ASAP2: variants seen among roughly 807,000 people sequenced by gnomAD.
ASAP2 encodes the protein arf-GAP with SH3 domain, ANK repeat and PH domain-containing protein 2.
Under a neutral mutation model 131.4 loss-of-function variants are expected in ASAP2, and 45 were observed. The ratio of observed to expected loss-of-function variants is 0.34; its 90% CI spans 0.27 to 0.44. ASAP2 has a LOEUF of 0.44. Ranked by LOEUF, ASAP2 falls within the 20% of genes least tolerant of loss-of-function variation. The pLI, the probability that ASAP2 is intolerant of heterozygous loss-of-function variation, is 1.00. For synonymous variants in ASAP2, 510 were observed against 503.0 expected (o/e 1.01, Z -0.19); for missense variants, 1,011 against 1,297.0 (o/e 0.78, Z 3.39).
chr2:9,375,372 C>T (rs778520475), intron 17 of ASAP2, among the ~76,000 whole-genome samples: 42 of 151,954 alleles, frequency 2.8e-4, no homozygotes, highest in Middle Eastern at 3.2e-3. Context: ...GAAGACGGCA[C>T]GGAGAGGGGT....
intron 24 of ASAP2, among the ~76,000 whole-genome samples, chr2:9,397,753 T>C (rs1407963939): frequency 5.2e-5 from 5 of 95,998 alleles, no homozygotes; most frequent in African/African-American, 7.8e-5. Flanking sequence ...TATATATATT[T>C]TTTTTTTTTT....
chr2:9,332,770 C>A (rs2148553357), intron 7 of ASAP2, among the ~76,000 whole-genome samples: 1 of 152,028 alleles, frequency 6.6e-6, no homozygotes, highest in Admixed American at 6.5e-5. Flanking sequence ...ATCTATTTCA[C>A]AAGAATTTGA....
At chr2:9,211,665 C>T (rs552614946) in intron 1 of ASAP2, among the ~76,000 whole-genome samples, 50 of 152,306 alleles carry the variant, frequency 3.3e-4, no homozygotes, top group African/African-American at 1.2e-3. Flanking sequence ...GTCATAAGCA[C>T]AGGGTTCTAA....
chr2:9,258,992 C>G (rs189625928), intron 1 of ASAP2, among the ~76,000 whole-genome samples: 2 of 152,264 alleles, frequency 1.3e-5, no homozygotes, highest in Admixed American at 1.3e-4. Context: ...AGACCAGGAC[C>G]CTGGGCCTGC....
At chr2:9,279,697 G>A (rs1298305147) in intron 2 of ASAP2, among the ~76,000 whole-genome samples, 1 of 152,116 alleles carries the variant, frequency 6.6e-6, no homozygotes, top group East Asian at 1.9e-4. Flanking sequence ...CCTGGCTGAT[G>A]GGGGCCTGGA....
chr2:9,396,512 A>G (rs1324764369), intron 24 of ASAP2, among the ~76,000 whole-genome samples: 1 of 152,152 alleles, frequency 6.6e-6, no homozygotes, highest in Non-Finnish European at 1.5e-5. Context: ...CCTGGGCTCA[A>G]GCAGTCCTCC....
At chr2:9,368,620 TGC>T in intron 16 of ASAP2, 101 bp downstream of exon 16, 3 of 948,132 alleles carry the variant, frequency 3.2e-6, no homozygotes, top group Non-Finnish European at 5.0e-6. Context: ...CATCCATCGT[TGC>T]TTCTTTAGGG....
At chr2:9,265,303 A>G (rs528638211) in intron 1 of ASAP2, among the ~76,000 whole-genome samples, 8 of 152,378 alleles carry the variant, frequency 5.3e-5, no homozygotes, top group African/African-American at 1.9e-4. Flanking sequence ...TACATTACGA[A>G]TTGAGCATCC....
intron 3 of ASAP2, among the ~76,000 whole-genome samples, chr2:9,307,099 C>T (rs4316916): frequency 6.6e-6 from 1 of 152,210 alleles, no homozygotes; most frequent in Non-Finnish European, 1.5e-5. Context: ...AAATGCGCAG[C>T]CCCAGCCTCC....
intron 1 of ASAP2, among the ~76,000 whole-genome samples, chr2:9,218,336 G>A (rs1662196465): frequency 6.6e-6 from 1 of 152,240 alleles, no homozygotes; most frequent in African/African-American, 2.4e-5. Context: ...AACATCAGAA[G>A]TGTTTATTAA....
intron 1 of ASAP2, among the ~76,000 whole-genome samples, chr2:9,251,377 G>A (rs538920790): frequency 1.3e-5 from 2 of 152,224 alleles, no homozygotes; most frequent in Admixed American, 1.3e-4. Flanking sequence ...TAGGGGACCT[G>A]CCCTCCCTGT....
At chr2:9,319,917 C>A (rs1023144259) in intron 4 of ASAP2, among the ~76,000 whole-genome samples, 1 of 152,160 alleles carries the variant, frequency 6.6e-6, no homozygotes, top group Admixed American at 6.5e-5. Context: ...GAGTTCCTTT[C>A]TTTTAGAGAG....
At chr2:9,282,702 C>T (rs1667204597) in intron 2 of ASAP2, among the ~76,000 whole-genome samples, 1 of 152,088 alleles carries the variant, frequency 6.6e-6, no homozygotes, top group Admixed American at 6.5e-5. Context: ...ATTTTATGTA[C>T]GATTGAAAGA....
At chr2:9,377,876 C>G (rs1050383479) in intron 18 of ASAP2, among the ~76,000 whole-genome samples, 2 of 152,156 alleles carry the variant, frequency 1.3e-5, no homozygotes, top group Admixed American at 6.5e-5. Context: ...TCACTGGACT[C>G]GTGGTGGAAG....
At chr2:9,352,212 A>AC (rs1672385937) in intron 12 of ASAP2, among the ~76,000 whole-genome samples, 116 of 150,056 alleles carry the variant, frequency 7.7e-4, no homozygotes, top group African/African-American at 2.8e-3. Context: ...AACACACACA[A>AC]ACACACACAC....
rs28616843 is a variant in ASAP2, at chr2:9,315,519, G to A, written c.346-3005G>A. Among the ~76,000 whole-genome samples the A allele has an allele frequency of 3.1e-3, 466 of 152,100 alleles. 4 individuals are homozygous for A. Among genetic ancestry groups the A allele is most frequent in the African/African-American group, 1.0e-2 (413 of 41,422 alleles). On this transcript the variant is annotated intron_variant, in intron 3 of 27. Coordinates refer to ENST00000281419, the MANE Select transcript of ASAP2 (RefSeq NM_003887.3). Reference sequence around the variant, plus strand: ...AGCAAGTGAGGAGGGTGGGAGAGAGGGCTTTGTAGGAAGGAAGAGCATTGG... The same window carrying A: ...AGCAAGTGAGGAGGGTGGGAGAGAGAGCTTTGTAGGAAGGAAGAGCATTGG...
chr2:9,221,510 A>G (rs181553644), intron 1 of ASAP2, among the ~76,000 whole-genome samples: 1 of 152,052 alleles, frequency 6.6e-6, no homozygotes, highest in East Asian at 1.9e-4. Context: ...CAATGTACAA[A>G]TCTTACACTT....
chr2:9,238,780 A>G (rs1348550628), intron 1 of ASAP2, among the ~76,000 whole-genome samples: 1 of 152,202 alleles, frequency 6.6e-6, no homozygotes, highest in Admixed American at 6.5e-5. Context: ...AATCCCCACC[A>G]TTATGACCTA....
At chr2:9,286,447 A>AAAAAAAT (rs58605449) in intron 2 of ASAP2, among the ~76,000 whole-genome samples, 17 of 148,492 alleles carry the variant, frequency 1.1e-4, no homozygotes, top group African/African-American at 4.0e-4. Flanking sequence ...GAAAAAAAAA[A>AAAAAAAT]ATATATATAT....
Sources: allele counts gnomAD v4.1 joint callset (sites outside exome capture counted in the v4.1 genomes callset), GRCh38; gene constraint gnomAD v4.1.1; transcripts MANE v1.5; gene names NCBI Gene and HGNC (gene_info 2026-07-23, HGNC 2026-07-21).